EBF1: variants seen among roughly 807,000 people sequenced by gnomAD.
EBF1 encodes EBF transcription factor 1.
In EBF1, 10 loss-of-function variants were observed where a neutral mutation model predicts 68.4. The observed-to-expected ratio is 0.15, with a 90% CI of 0.09 to 0.25. The LOEUF is 0.25. Ranked by LOEUF, EBF1 falls within the 10% of genes least tolerant of loss-of-function variation. The probability of loss-of-function intolerance (pLI) is 1.00; values close to 1 mark genes in which losing one functional copy is unlikely to be tolerated. For missense variants in EBF1, 509 were observed against 794.4 expected (o/e 0.64, Z 4.32); for synonymous variants, 298 against 299.8 (o/e 0.99, Z 0.06).
chr5:158,841,996 C>T (rs933695101), intron 6 of EBF1, among the ~76,000 whole-genome samples: 4 of 152,192 alleles, frequency 2.6e-5, no homozygotes, highest in South Asian at 4.1e-4. Flanking sequence ...ATCAACCTTT[C>T]GTCCAAGACA....
intron 8 of EBF1, among the ~76,000 whole-genome samples, chr5:158,812,458 C>T (rs777751921): frequency 1.3e-5 from 2 of 152,096 alleles, no homozygotes; most frequent in Non-Finnish European, 2.9e-5. Context: ...GTAAGCTCCC[C>T]CTTTAGTGGG....
chr5:158,766,057 A>T (rs1361444361), intron 10 of EBF1, among the ~76,000 whole-genome samples: 1 of 152,242 alleles, frequency 6.6e-6, no homozygotes, highest in Non-Finnish European at 1.5e-5. Context: ...GGCATGAAAT[A>T]ATCATAATCA....
At chr5:158,735,283 G>A (rs923585566) in intron 10 of EBF1, among the ~76,000 whole-genome samples, 3 of 152,024 alleles carry the variant, frequency 2.0e-5, no homozygotes, top group African/African-American at 7.3e-5. Flanking sequence ...TCCTCTTTCT[G>A]ACAAAGTCTA....
At chr5:158,836,840 C>T (rs920214662) in intron 7 of EBF1, among the ~76,000 whole-genome samples, 21 of 152,178 alleles carry the variant, frequency 1.4e-4, no homozygotes, top group Admixed American at 7.2e-4. Flanking sequence ...AAGGAAGACA[C>T]GGCTCATCCT....
At chr5:159,056,476 C>T (rs1774745383) in intron 6 of EBF1, among the ~76,000 whole-genome samples, 1 of 152,144 alleles carries the variant, frequency 6.6e-6, no homozygotes, top group African/African-American at 2.4e-5. Context: ...AATCATTCTC[C>T]TGCAGTTCAG....
chr5:158,972,777 C>T (rs1561672560), intron 6 of EBF1, among the ~76,000 whole-genome samples: 1 of 152,196 alleles, frequency 6.6e-6, no homozygotes, highest in African/African-American at 2.4e-5. Flanking sequence ...ATGCCTTGGG[C>T]AGCGCCACCT....
chr5:158,753,128 T>A (rs1335307582), intron 10 of EBF1, among the ~76,000 whole-genome samples: 2 of 152,094 alleles, frequency 1.3e-5, no homozygotes, highest in East Asian at 1.9e-4. Context: ...AATTTTTTTT[T>A]ATCTAAACAT....
At chr5:158,795,647 A>G (rs1383544434) in intron 9 of EBF1, among the ~76,000 whole-genome samples, 4 of 152,230 alleles carry the variant, frequency 2.6e-5, no homozygotes, top group Non-Finnish European at 5.9e-5. Flanking sequence ...CGGCATCTAT[A>G]TAACGGGATG....
intron 11 of EBF1, among the ~76,000 whole-genome samples, chr5:158,726,547 C>G (rs988079112): frequency 6.6e-6 from 1 of 152,210 alleles, no homozygotes; most frequent in Non-Finnish European, 1.5e-5. Context: ...ATATTTTCAG[C>G]TCCATAAAGC....
intron 6 of EBF1, among the ~76,000 whole-genome samples, chr5:159,043,161 G>A (rs1771591719): frequency 6.6e-6 from 1 of 152,208 alleles, no homozygotes; most frequent in African/African-American, 2.4e-5. Flanking sequence ...GTTCCAAAGA[G>A]ATGAGGTTAC....
At chr5:158,962,464 C>T (rs1023779652) in intron 6 of EBF1, among the ~76,000 whole-genome samples, 21 of 152,264 alleles carry the variant, frequency 1.4e-4, no homozygotes, top group African/African-American at 4.8e-4. Context: ...ATCACAGTTG[C>T]CAGTTTGCAA....
At chr5:158,941,495 T>C (rs1332959170) in intron 6 of EBF1, among the ~76,000 whole-genome samples, 1 of 152,154 alleles carries the variant, frequency 6.6e-6, no homozygotes, top group East Asian at 1.9e-4. Context: ...CATGCACACA[T>C]TTATCATCAG....
intron 6 of EBF1, among the ~76,000 whole-genome samples, chr5:159,048,573 A>G (rs1030256561): frequency 3.9e-5 from 6 of 152,284 alleles, no homozygotes; most frequent in Admixed American, 3.3e-4. Flanking sequence ...GAAGATTCCA[A>G]TGGGACCATG....
intron 14 of EBF1, among the ~76,000 whole-genome samples, chr5:158,709,340 T>C (rs1414654752): frequency 6.6e-6 from 1 of 151,108 alleles, no homozygotes; most frequent in African/African-American, 2.5e-5. Context: ...TTTTTTTTTT[T>C]ACAACCGAGG....
At chr5:158,875,041 G>GCACACACACACACA (rs1229419684) in intron 6 of EBF1, among the ~76,000 whole-genome samples, 1 of 102,354 alleles carries the variant, frequency 9.8e-6, no homozygotes, top group African/African-American at 4.4e-5. Flanking sequence ...ACACACACAA[G>GCACACACACACACA]CACACACACA....
chr5:158,904,069 T>G (rs1804032153), intron 6 of EBF1, among the ~76,000 whole-genome samples: 1 of 152,132 alleles, frequency 6.6e-6, no homozygotes, highest in Admixed American at 6.5e-5. Context: ...CCCAAGGCCC[T>G]GACTCCAATT....
intron 8 of EBF1, among the ~76,000 whole-genome samples, chr5:158,814,169 C>T (rs1783237722): frequency 6.6e-6 from 1 of 152,076 alleles, no homozygotes; most frequent in Non-Finnish European, 1.5e-5. Flanking sequence ...AACATAGGAA[C>T]CCTGTCTCTA....
intron 10 of EBF1, among the ~76,000 whole-genome samples, chr5:158,742,149 C>T (rs1001502374): frequency 1.3e-5 from 2 of 152,196 alleles, no homozygotes; most frequent in South Asian, 4.1e-4. Flanking sequence ...TTTTGGCTTC[C>T]AGGACTTTTG....
intron 6 of EBF1, among the ~76,000 whole-genome samples, chr5:158,951,179 T>A (rs1815886055): frequency 6.6e-6 from 1 of 152,252 alleles, no homozygotes; most frequent in Non-Finnish European, 1.5e-5. Flanking sequence ...TTGCAAGCTG[T>A]GACTTCCAAA....
Sources: allele counts gnomAD v4.1 joint callset (sites outside exome capture counted in the v4.1 genomes callset), GRCh38; gene constraint gnomAD v4.1.1; transcripts MANE v1.5; gene names NCBI Gene and HGNC (gene_info 2026-07-23, HGNC 2026-07-21).